Variants in UBAP1 observed in about 807,000 individuals in gnomAD.
UBAP1 encodes the protein ubiquitin-associated protein 1.
Under a neutral mutation model 39.0 loss-of-function variants are expected in UBAP1, and 5 were observed. The observed-to-expected ratio is 0.13, with a 90% CI of 0.07 to 0.27. UBAP1 has a LOEUF of 0.27. Among genes scored for constraint, UBAP1 ranks in the 10% least tolerant of loss-of-function variants. The pLI is 1.00. For synonymous variants in UBAP1, 211 were observed against 225.1 expected, an observed-to-expected ratio of 0.94 and a Z score of 0.56; for missense variants, 490 against 608.1, an observed-to-expected ratio of 0.81 and a Z score of 2.04.
In UBAP1 at chr9:34,241,958, T is replaced by G; in HGVS notation, c.933T>G (p.Ser311Arg). ...AGCCTTCCACCCAAAGCAGTGCCAG[T>G]GAGCTCAATGGGCATCACACTCTTG... is the stretch of plus-strand genomic sequence containing the variant. The part of the protein sequence containing the change: ...SLKPSTQSSA[S>R]ELNGHHTLGL... The change falls in exon 4 of 7, where the codon AGT becomes AGG. Residue 311 changes from serine to arginine, a missense_variant. This residue lies in a region of UBAP1 where 339 missense variants were observed against 390.0 expected (regional missense o/e 0.87). Transcript: ENST00000297661. The G allele has an allele frequency of 6.2e-7, 1 of 1,614,190 alleles. No individual in the cohort carries two copies. Among genetic ancestry groups the G allele is most frequent in the African/African-American group, 1.3e-5 (1 of 75,054 alleles).
At chr9:34,208,646 C>T (rs1465680281) in intron 1 of UBAP1, among the ~76,000 whole-genome samples, 2 of 151,948 alleles carry the variant, frequency 1.3e-5, no homozygotes, top group East Asian at 2.0e-4. Context: ...GACGTGGTGG[C>T]GGGCGCCTGT....
intron 1 of UBAP1, among the ~76,000 whole-genome samples, chr9:34,187,317 A>G (rs1167205514): frequency 2.0e-5 from 3 of 152,198 alleles, no homozygotes; most frequent in South Asian, 2.1e-4. Context: ...CTCATCTGAC[A>G]TTTATTTCCA....
chr9:34,213,048 A>G (rs1832104118), intron 1 of UBAP1, among the ~76,000 whole-genome samples: 1 of 152,238 alleles, frequency 6.6e-6, no homozygotes, highest in Admixed American at 6.5e-5. Context: ...GGTTTAACAT[A>G]TTTAAGTCAA....
At chr9:34,246,840 G>T (rs184124818) in intron 4 of UBAP1, among the ~76,000 whole-genome samples, 64 of 151,138 alleles carry the variant, frequency 4.2e-4, no homozygotes, top group African/African-American at 1.5e-3. Context: ...TTTCACAAAC[G>T]TACTTTCCCT....
At chr9:34,195,022 T>G (rs938026172) in intron 1 of UBAP1, among the ~76,000 whole-genome samples, 1 of 152,226 alleles carries the variant, frequency 6.6e-6, no homozygotes, top group Non-Finnish European at 1.5e-5. Flanking sequence ...CAAACTCACT[T>G]TATTCATCCC....
At chr9:34,213,489 C>T (rs769407448) in intron 1 of UBAP1, among the ~76,000 whole-genome samples, 12 of 152,008 alleles carry the variant, frequency 7.9e-5, no homozygotes, top group African/African-American at 1.9e-4. Context: ...CCAGCATGGG[C>T]GACAGAGCGA....
chr9:34,179,649 T>A (rs993147770), intron 1 of UBAP1, among the ~76,000 whole-genome samples: 8 of 151,892 alleles, frequency 5.3e-5, no homozygotes, highest in Non-Finnish European at 1.0e-4. Flanking sequence ...GCGGTGTAGA[T>A]TTAGTTCTCC....
intron 1 of UBAP1, among the ~76,000 whole-genome samples, chr9:34,182,797 G>A (rs1255835091): frequency 2.6e-5 from 4 of 150,962 alleles, no homozygotes; most frequent in East Asian, 2.0e-4. Context: ...TGCAAGCTCC[G>A]CCTCCTGGGT....
At chr9:34,234,399 T>C in intron 3 of UBAP1, 59 bp downstream of exon 3, 2 of 1,522,114 alleles carry the variant, frequency 1.3e-6, no homozygotes, top group Non-Finnish European at 1.8e-6. Context: ...AGTAAGAATT[T>C]GATGTATAGT....
chr9:34,182,194 TTATTTA>T (rs1830080004), intron 1 of UBAP1, among the ~76,000 whole-genome samples: 1 of 88,288 alleles, frequency 1.1e-5, no homozygotes, highest in Admixed American at 1.1e-4. Flanking sequence ...ATTTATTTAT[TTATTTA>T]TTGAGACTGA....
intron 4 of UBAP1, among the ~76,000 whole-genome samples, chr9:34,245,923 G>A (rs1337112994): frequency 6.6e-6 from 1 of 151,528 alleles, no homozygotes; most frequent in African/African-American, 2.4e-5. Context: ...TTGGGAGGCC[G>A]AGGTGGGAGG....
At position 34,242,027 on chromosome 9, in the gene UBAP1, C is replaced by T; in HGVS notation, c.1002C>T (p.Ala334=). 1 of 1,614,178 alleles carries T rather than the reference C, an allele frequency of 6.2e-7. No homozygotes were observed. The part of the protein sequence containing the change: ...LNLDSGTEMP[A]LTSSQMPSLS... The stretch of plus-strand genomic sequence containing the variant: ...TGGACAGTGGCACAGAGATGCCAGC[C>T]CTGACATCCTCCCAGATGCCTTCCC... The change falls in exon 4 of 7, where the codon GCC becomes GCT. Residue 334 remains alanine (A), a synonymous_variant. Coordinates refer to ENST00000297661, the MANE Select transcript of UBAP1 (RefSeq NM_016525.5).
At chr9:34,235,002 G>GTTC (rs1330104660) in intron 3 of UBAP1, among the ~76,000 whole-genome samples, 1 of 152,118 alleles carries the variant, frequency 6.6e-6, no homozygotes, top group Non-Finnish European at 1.5e-5. Flanking sequence ...GAAACAAGAT[G>GTTC]GGAAGGTGGA....
chr9:34,250,974 G>C, intron 6 of UBAP1: 2 of 565,810 alleles, frequency 3.5e-6, no homozygotes, highest in South Asian at 3.8e-5. Context: ...CAGAATCCCA[G>C]TGAAGGGAAG....
Position 34,182,673 on chromosome 9 carries a change from T to TCTCTCTC in UBAP1, c.-8+3433_-8+3434insCTCTCTC, listed in dbSNP as rs1563881302. 1.8e-3 allele frequency among the ~76,000 whole-genome samples: 120 copies of TCTCTCTC among 67,056 alleles called. 5 individuals carry two copies. The highest frequency in any genetic ancestry group is 8.1e-3 in the Middle Eastern group (1 of 124). 44.0% of individuals were successfully genotyped at this position (67,056 alleles called of 152,430 possible). ...TTTCTTTCTTTCTTTCTTTCTTTCTTTCTTTCTTTCTCTCTCTCTTTCTTT... is the reference window on the plus strand; with the variant it reads ...TTTCTTTCTTTCTTTCTTTCTTTCTTCTCTCTCTCTTTCTTTCTCTCTCTCTTTCTTT... On this transcript the variant is annotated intron_variant, in intron 1 of 6. Transcript: ENST00000297661.
chr9:34,181,121 T>C (rs867624815), intron 1 of UBAP1, among the ~76,000 whole-genome samples: 1 of 124,174 alleles, frequency 8.1e-6, no homozygotes, highest in Non-Finnish European at 1.8e-5. Flanking sequence ...GTTTTCTTTT[T>C]TTTTTTTTTT....
chr9:34,219,857 C>A (rs1394802972), intron 1 of UBAP1, among the ~76,000 whole-genome samples: 6 of 12,572 alleles, frequency 4.8e-4, no homozygotes, highest in Admixed American at 1.1e-3. Flanking sequence ...CCTTCCCTCT[C>A]CCTTCCCCTC....
chr9:34,195,670 T>C (rs894936434), intron 1 of UBAP1, among the ~76,000 whole-genome samples: 5 of 151,706 alleles, frequency 3.3e-5, no homozygotes, highest in Admixed American at 2.0e-4. Context: ...CGATCTCGGC[T>C]CACCGCAACC....
chr9:34,185,192 C>T (rs1321761405), intron 1 of UBAP1, among the ~76,000 whole-genome samples: 5 of 152,174 alleles, frequency 3.3e-5, no homozygotes, highest in African/African-American at 1.2e-4. Flanking sequence ...CCTCGGCCTC[C>T]CAAAGTGCTG....
Sources: allele counts gnomAD v4.1 joint callset (sites outside exome capture counted in the v4.1 genomes callset), GRCh38; gene constraint gnomAD v4.1.1; regional missense constraint gnomAD v4.1.1; transcripts MANE v1.5; gene names NCBI Gene and HGNC (gene_info 2026-07-23, HGNC 2026-07-21).